Variants in PRICKLE2 observed in about 807,000 individuals in gnomAD.
PRICKLE2 encodes prickle-like protein 2.
Under a neutral mutation model 81.4 loss-of-function variants are expected in PRICKLE2, and 21 were observed. The observed-to-expected ratio is 0.26, with a 90% confidence interval of 0.18 to 0.37. PRICKLE2 has a LOEUF of 0.37. Ranked by LOEUF, PRICKLE2 falls within the 10% of genes least tolerant of loss-of-function variation. The pLI is 1.00. For synonymous variants in PRICKLE2, 456 were observed against 421.5 expected, an observed-to-expected ratio of 1.08 and a Z score of -1.00; for missense variants, 940 against 1,109.0, an observed-to-expected ratio of 0.85 and a Z score of 2.16.
chr3:64,193,701 G>T (rs951319805), intron 2 of PRICKLE2, among the ~76,000 whole-genome samples: 1 of 152,154 alleles, frequency 6.6e-6, no homozygotes, highest in Non-Finnish European at 1.5e-5. Context: ...CCAGTGGGAG[G>T]TAATTGAATC....
rs570616523 is a variant in PRICKLE2, at chr3:64,097,060, G to A, written c.*1991C>T. The stretch of plus-strand genomic sequence containing the variant: ...CAGTTTACAAACTTACTATACAAAC[G>A]TAATAGAGTTAATTCTCCGGAGGCT... On this transcript the variant is annotated 3_prime_UTR_variant, in exon 8 of 8. Transcript: ENST00000638394. 32 of 152,676 alleles carry A rather than the reference G, an allele frequency of 2.1e-4. No individual in the cohort carries two copies. Among genetic ancestry groups the A allele is most frequent in the South Asian group, 1.0e-3 (5 of 4,814 alleles). The allele number at this position is 152,676 out of a possible 1,614,324, so 9.5% of individuals were successfully genotyped here.
rs1486714184 is a variant in PRICKLE2 at position 64,093,374 on chromosome 3, T to G, written c.*5677A>C. The G allele has an allele frequency of 6.6e-6, 1 of 152,286 alleles. No individual in the cohort carries two copies. Among genetic ancestry groups the G allele is most frequent in the Non-Finnish European group, 1.5e-5 (1 of 68,058 alleles). The allele number at this position is 152,286 out of a possible 1,614,324, so 9.4% of individuals were successfully genotyped here. Reference sequence around the variant, plus strand: ...TTGGAGACCCTGCTGTCAATTCTTTTGGGTATAGCCCAGAAGTAGCATATG... The same window carrying G: ...TTGGAGACCCTGCTGTCAATTCTTTGGGGTATAGCCCAGAAGTAGCATATG... On this transcript the variant is annotated 3_prime_UTR_variant, in exon 8 of 8. Transcript: ENST00000638394.
chr3:64,160,091 G>C lies in PRICKLE2; in HGVS notation c.259-14C>G. 6.2e-7 allele frequency: 1 copy of C among 1,613,390 alleles called. No individual in the cohort carries two copies. Among genetic ancestry groups the C allele is most frequent in the Non-Finnish European group, 8.5e-7 (1 of 1,179,680 alleles). ...GCAATATCGAACCTGAATAGACACA[G>C]ACAATGGCATGGAAAAAGTCACCCT... On this transcript the variant is annotated splice_polypyrimidine_tract_variant and intron_variant, in intron 3 of 7. Coordinates refer to ENST00000638394, the MANE Select transcript of PRICKLE2 (RefSeq NM_198859.4).
chr3:64,247,584 G>C (rs1022855092), intron 2 of PRICKLE2, among the ~76,000 whole-genome samples: 11 of 152,074 alleles, frequency 7.2e-5, no homozygotes, highest in Admixed American at 7.2e-4. Context: ...TCAGCAATTA[G>C]GAGCAAGGCA....
At chr3:64,240,878 C>A (rs2079254728) in intron 2 of PRICKLE2, among the ~76,000 whole-genome samples, 1 of 152,118 alleles carries the variant, frequency 6.6e-6, no homozygotes, top group South Asian at 2.1e-4. Context: ...CCAACAACTT[C>A]TTTTTATGGC....
intron 7 of PRICKLE2, among the ~76,000 whole-genome samples, chr3:64,126,452 A>G (rs2077108244): frequency 6.6e-6 from 1 of 152,170 alleles, no homozygotes; most frequent in African/African-American, 2.4e-5. Flanking sequence ...AACCCAAAGA[A>G]AGGATCCACT....
intron 1 of PRICKLE2, among the ~76,000 whole-genome samples, chr3:64,208,244 G>A (rs1336514786): frequency 2.0e-5 from 3 of 152,152 alleles, no homozygotes; most frequent in Non-Finnish European, 4.4e-5. Flanking sequence ...GTAAGAACTG[G>A]AAGCAAGGTC....
At chr3:64,210,083 C>T (rs573175665) in intron 1 of PRICKLE2, among the ~76,000 whole-genome samples, 1 of 152,274 alleles carries the variant, frequency 6.6e-6, no homozygotes, top group Non-Finnish European at 1.5e-5. Context: ...AGTGACCAAA[C>T]TGGCTGGGCC....
At chr3:64,219,824 C>G (rs2078924455) in intron 1 of PRICKLE2, among the ~76,000 whole-genome samples, 1 of 152,166 alleles carries the variant, frequency 6.6e-6, no homozygotes, top group Non-Finnish European at 1.5e-5. Context: ...GGGTTCGAAT[C>G]CCAGCATTAC....
intron 2 of PRICKLE2, among the ~76,000 whole-genome samples, chr3:64,166,003 TGTGTG>T (rs1559552046): frequency 6.6e-4 from 65 of 98,462 alleles, no homozygotes; most frequent in African/African-American, 1.0e-3. Context: ...TGTGTGTGTG[TGTGTG>T]TGTGTGTTTT....
chr3:64,202,871 T>G (rs2078613523), intron 1 of PRICKLE2, among the ~76,000 whole-genome samples: 1 of 152,172 alleles, frequency 6.6e-6, no homozygotes, highest in Admixed American at 6.5e-5. Context: ...GCACCAGTCT[T>G]TCAGCATTAA....
chr3:64,217,905 A>T (rs1450273713), intron 1 of PRICKLE2, among the ~76,000 whole-genome samples: 1 of 152,224 alleles, frequency 6.6e-6, no homozygotes, highest in East Asian at 1.9e-4. Context: ...TCAAACTCAG[A>T]TAATGTTCAC....
At chr3:64,158,208 C>A (rs976003434) in intron 4 of PRICKLE2, among the ~76,000 whole-genome samples, 1 of 152,214 alleles carries the variant, frequency 6.6e-6, no homozygotes, top group African/African-American at 2.4e-5. Flanking sequence ...TAGGGTCATA[C>A]AAGAGTGGCT....
intron 2 of PRICKLE2, among the ~76,000 whole-genome samples, chr3:64,263,088 T>C (rs2079640792): frequency 6.6e-6 from 1 of 152,206 alleles, no homozygotes; most frequent in African/African-American, 2.4e-5. Context: ...AAGAGGGAGA[T>C]GTAAAACATC....
chr3:64,262,137 C>T (rs899119330), intron 2 of PRICKLE2, among the ~76,000 whole-genome samples: 3 of 152,134 alleles, frequency 2.0e-5, no homozygotes, highest in Non-Finnish European at 4.4e-5. Context: ...AGATATCAAA[C>T]ATTTTCAGCA....
At chr3:64,157,136 G>T in intron 5 of PRICKLE2, 26 bp downstream of exon 5, 1 of 1,609,654 alleles carries the variant, frequency 6.2e-7, no homozygotes, top group Non-Finnish European at 8.5e-7. Flanking sequence ...TGATGGGCAG[G>T]TAAACCTGCT....
At chr3:64,198,302 G>C (rs563752491) in intron 2 of PRICKLE2, among the ~76,000 whole-genome samples, 4 of 152,052 alleles carry the variant, frequency 2.6e-5, no homozygotes, top group African/African-American at 9.6e-5. Flanking sequence ...AAACGTTTTT[G>C]TTGGACATAG....
chr3:64,093,368 T>C lies in PRICKLE2; in HGVS notation c.*5683A>G, dbSNP rs1205454426. 6.6e-6 allele frequency: 1 copy of C among 152,292 alleles called. No individual in the cohort carries two copies. The highest frequency in any genetic ancestry group is 1.5e-5 in the Non-Finnish European group (1 of 68,064). The allele number at this position is 152,292 out of a possible 1,614,324, so 9.4% of individuals were successfully genotyped here. On this transcript the variant is annotated 3_prime_UTR_variant, in exon 8 of 8. Coordinates refer to ENST00000638394, the MANE Select transcript of PRICKLE2 (RefSeq NM_198859.4). ...ATCTCTTTGGAGACCCTGCTGTCAATTCTTTTGGGTATAGCCCAGAAGTAG... is the reference window on the plus strand; with the variant it reads ...ATCTCTTTGGAGACCCTGCTGTCAACTCTTTTGGGTATAGCCCAGAAGTAG...
At chr3:64,163,620 C>A (rs1034713275) in intron 2 of PRICKLE2, 1 of 179,064 alleles carries the variant, frequency 5.6e-6, no homozygotes, top group Non-Finnish European at 1.2e-5. Flanking sequence ...CTCCAGGTTT[C>A]GAGACTTTTG....
Sources: gnomAD v4.1 joint callset for allele counts (sites outside exome capture counted in the v4.1 genomes callset) on GRCh38, gnomAD v4.1.1 for gene constraint, MANE v1.5 for transcripts, NCBI Gene and HGNC (gene_info 2026-07-23, HGNC 2026-07-21) for gene names.